DPYSL2: variants seen among roughly 807,000 people sequenced by gnomAD.
DPYSL2 encodes dihydropyrimidinase like 2.
A neutral mutation model predicts 69.9 loss-of-function variants in DPYSL2; 13 were observed. The observed-to-expected ratio is 0.19, with a 90% CI of 0.12 to 0.30. The LOEUF is 0.30. DPYSL2 is among the 10% of genes least tolerant of loss of function. DPYSL2 has a pLI of 1.00. For synonymous variants in DPYSL2, 326 were observed against 359.1 expected (o/e 0.91, Z 1.04); for missense variants, 587 against 918.9 (o/e 0.64, Z 4.67).
chr8:26,622,450 GTGTGTGTGTGTGTGTGTGTGTGTATA>G (rs1268127128), intron 3 of DPYSL2, among the ~76,000 whole-genome samples: 62 of 116,116 alleles, frequency 5.3e-4, no homozygotes, highest in South Asian at 3.4e-3. Context: ...CATATTGTAT[GTGTGTGTGTGTGTGTGTGTGTGTATA>G]TGTGTGTGTG....
Position 26,629,978 on chromosome 8 carries a change from CAT to C in DPYSL2, c.1005+2042_1005+2043del, listed in dbSNP as rs1802723883. Among the ~76,000 whole-genome samples the C allele has an allele frequency of 2.7e-5, 3 of 112,216 alleles. No individual in the cohort carries two copies. In the South Asian group the frequency reaches 7.3e-4, roughly 27 times the overall value. The allele number at this position is 112,216 out of a possible 152,430, so 73.6% of individuals were successfully genotyped here. On this transcript the variant is annotated intron_variant, in intron 7 of 13. Transcript: ENST00000521913. ...ACGTGCACACACTCACGTTCACACACATATACATACACACACGTCCATAGGCA... is the reference window on the plus strand; with the variant it reads ...ACGTGCACACACTCACGTTCACACACATACATACACACACGTCCATAGGCA...
At chr8:26,630,260 G>A (rs543867103) in intron 7 of DPYSL2, among the ~76,000 whole-genome samples, 1 of 152,354 alleles carries the variant, frequency 6.6e-6, no homozygotes, top group African/African-American at 2.4e-5. Flanking sequence ...CTCCCTCTGG[G>A]CCGGCTTCTG....
chr8:26,572,501 CT>C (rs376795012), intron 1 of DPYSL2, among the ~76,000 whole-genome samples: 6 of 151,822 alleles, frequency 4.0e-5, no homozygotes, highest in Admixed American at 2.0e-4. Context: ...ATGAGTAAGA[CT>C]TTTTTGTTTG....
chr8:26,529,248 C>CTATA, intron 1 of DPYSL2, among the ~76,000 whole-genome samples: 1 of 95,038 alleles, frequency 1.1e-5, no homozygotes, highest in South Asian at 3.2e-4. Context: ...ATCTATCTAT[C>CTATA]TATCTATCTA....
At chr8:26,577,027 C>T (rs1397602836) in intron 1 of DPYSL2, 6 of 350,266 alleles carry the variant, frequency 1.7e-5, no homozygotes, top group Non-Finnish European at 2.9e-5. Flanking sequence ...GCTCCCCATT[C>T]CTCCGCCCTA....
At position 26,653,428 on chromosome 8, in the gene DPYSL2, C is replaced by T; in HGVS notation, c.1942+31C>T. ...GTTGGGGCTTGGGGAGGGCACAGTTCTGCAGGGCCAGCTCGCTGGTGCTGG... is the reference window on the plus strand; with the variant it reads ...GTTGGGGCTTGGGGAGGGCACAGTTTTGCAGGGCCAGCTCGCTGGTGCTGG... On this transcript the variant is annotated intron_variant, in intron 13 of 13. Coordinates refer to ENST00000521913, the MANE Select transcript of DPYSL2 (RefSeq NM_001197293.3). This position sits in a 1 kb window ranked among gnomAD's most constrained non-coding sequence, Gnocchi z 5.7. 1.3e-6 allele frequency: 2 copies of T among 1,589,040 alleles called. No homozygotes were observed. The highest frequency in any genetic ancestry group is 1.7e-6 in the Non-Finnish European group (2 of 1,166,416).
intron 1 of DPYSL2, among the ~76,000 whole-genome samples, chr8:26,529,276 C>CTATCTATCATCT (rs1554531948): frequency 1.7e-4 from 23 of 136,288 alleles, no homozygotes; most frequent in South Asian, 4.8e-4. Flanking sequence ...ATCTATCTAT[C>CTATCTATCATCT]ATCTATCTAT....
intron 3 of DPYSL2, among the ~76,000 whole-genome samples, chr8:26,603,915 T>C (rs1312008378): frequency 6.6e-6 from 1 of 152,256 alleles, no homozygotes; most frequent in Non-Finnish European, 1.5e-5. Flanking sequence ...TTCCACCTTT[T>C]GGCTATTGTA....
At position 26,556,174 on chromosome 8, in the gene DPYSL2, TAGTATATACTATATA is replaced by T. The variant is rs1268013757; in HGVS notation, c.355-25794_355-25780del. 6.2e-3 allele frequency among the ~76,000 whole-genome samples: 168 copies of T among 27,148 alleles called. 50 individuals carry two copies. The highest frequency in any genetic ancestry group is 0.022 in the African/African-American group (165 of 7,614). 17.8% of individuals were successfully genotyped at this position (27,148 alleles called of 152,430 possible). A position where few individuals can be genotyped will look rare whatever the true frequency, so the allele number is the denominator to read the frequency against. ...TACTATATATAGTATATACTATATA[TAGTATATACTATATA>T]TATTATATATACTATATATATACTA... On this transcript the variant is annotated intron_variant, in intron 1 of 13. Coordinates refer to ENST00000521913, the MANE Select transcript of DPYSL2 (RefSeq NM_001197293.3).
In DPYSL2 at chr8:26,588,547, C is replaced by T. The variant is rs912844754; in HGVS notation, c.628+4564C>T. Among the ~76,000 whole-genome samples, 1 of 152,174 alleles carries T rather than the reference C, an allele frequency of 6.6e-6. No homozygotes were observed. Among genetic ancestry groups the T allele is most frequent in the African/African-American group, 2.4e-5 (1 of 41,442 alleles). Reference sequence around the variant, plus strand: ...CTCCAGGCTCTCTCTAGAGGAGGTGCACCCTCAGGCACAACATACCCAGCA... The same window carrying T: ...CTCCAGGCTCTCTCTAGAGGAGGTGTACCCTCAGGCACAACATACCCAGCA... On this transcript the variant is annotated intron_variant, in intron 3 of 13. Transcript: ENST00000521913. This position sits in a 1 kb window ranked among gnomAD's most constrained non-coding sequence, Gnocchi z 5.4.
At chr8:26,522,905 G>T (rs1361274531) in intron 1 of DPYSL2, among the ~76,000 whole-genome samples, 1 of 151,834 alleles carries the variant, frequency 6.6e-6, no homozygotes, top group Non-Finnish European at 1.5e-5. Context: ...ACTATCCCCG[G>T]CTGTTCTTAA....
chr8:26,583,411 A>G (rs543091309), intron 2 of DPYSL2, among the ~76,000 whole-genome samples: 1 of 152,080 alleles, frequency 6.6e-6, no homozygotes, highest in South Asian at 2.1e-4. Flanking sequence ...TATGATAAAA[A>G]TAAATGTTTG....
chr8:26,627,789 A>C lies in DPYSL2; in HGVS notation c.937-83A>C. 7.2e-7 allele frequency: 1 copy of C among 1,392,904 alleles called. No individual in the cohort carries two copies. Among genetic ancestry groups the C allele is most frequent in the Non-Finnish European group, 1.0e-6 (1 of 1,000,466 alleles). The allele number at this position is 1,392,904 out of a possible 1,614,324, so 86.3% of individuals were successfully genotyped here. A position where few individuals can be genotyped will look rare whatever the true frequency, so the allele number is the denominator to read the frequency against. Reference sequence around the variant, plus strand: ...AGTGGTAATTTTCCATCTTGCCCGGATAACTGCATGCCCGGGCCTCTGCCA... The same window carrying C: ...AGTGGTAATTTTCCATCTTGCCCGGCTAACTGCATGCCCGGGCCTCTGCCA... On this transcript the variant is annotated intron_variant, in intron 6 of 13. Coordinates refer to ENST00000521913, the MANE Select transcript of DPYSL2 (RefSeq NM_001197293.3). The surrounding 1 kb of genome is among the most constrained non-coding windows in gnomAD (Gnocchi z 6.9).
rs1476723778 is a variant in DPYSL2 at position 26,619,002 on chromosome 8, G to A, written c.629-5141G>A. On this transcript the variant is annotated intron_variant, in intron 3 of 13. Coordinates refer to ENST00000521913, the MANE Select transcript of DPYSL2 (RefSeq NM_001197293.3). This position sits in a 1 kb window ranked among gnomAD's most constrained non-coding sequence, Gnocchi z 4.8. ...GAAAAAAGAAATGGAGGTTCCAAAA[G>A]GCTAAACCACAGTAAGGGAGTACTG... is the stretch of plus-strand genomic sequence containing the variant. 1.3e-5 allele frequency among the ~76,000 whole-genome samples: 2 copies of A among 152,038 alleles called. No individual in the cohort carries two copies. Among genetic ancestry groups the A allele is most frequent in the Non-Finnish European group, 2.9e-5 (2 of 67,996 alleles).
At chr8:26,639,071 C>T (rs1024292150) in intron 8 of DPYSL2, among the ~76,000 whole-genome samples, 8 of 152,158 alleles carry the variant, frequency 5.3e-5, no homozygotes, top group African/African-American at 1.9e-4. Context: ...CCCTGGGAAC[C>T]TCAATTTGAG....
chr8:26,592,114 T>G (rs536691130), intron 3 of DPYSL2, among the ~76,000 whole-genome samples: 22 of 152,224 alleles, frequency 1.4e-4, no homozygotes, highest in Non-Finnish European at 3.1e-4. Context: ...CAGCCCATAA[T>G]AGGTGAGCAT....
intron 1 of DPYSL2, 129 bp from the exon 2 acceptor site, chr8:26,581,840 C>A: frequency 1.4e-6 from 1 of 720,924 alleles, no homozygotes; most frequent in Non-Finnish European, 2.4e-6. Flanking sequence ...TGTCACTGAA[C>A]CTTTCCAAAA....
Position 26,626,849 on chromosome 8 carries a change from C to T in DPYSL2, c.855+171C>T, listed in dbSNP as rs1802629287. Among the ~76,000 whole-genome samples the T allele has an allele frequency of 6.6e-6, 1 of 152,158 alleles. No individual in the cohort carries two copies. The highest frequency in any genetic ancestry group is 2.4e-5 in the African/African-American group (1 of 41,432). On this transcript the variant is annotated intron_variant, in intron 5 of 13. Coordinates refer to ENST00000521913, the MANE Select transcript of DPYSL2 (RefSeq NM_001197293.3). The surrounding 1 kb of genome is among the most constrained non-coding windows in gnomAD (Gnocchi z 4.3). Reference sequence around the variant, plus strand: ...CTTGGAAGAGAGTATGAACGCAGTGCCCTGGCCCCCAGCACTGCCACTCCG... The same window carrying T: ...CTTGGAAGAGAGTATGAACGCAGTGTCCTGGCCCCCAGCACTGCCACTCCG...
At chr8:26,546,947 A>AAAAAG (rs1563381428) in intron 1 of DPYSL2, among the ~76,000 whole-genome samples, 26 of 145,586 alleles carry the variant, frequency 1.8e-4, no homozygotes, top group African/African-American at 6.3e-4. Context: ...AAAAAAAAAA[A>AAAAAG]AAAAGAAAAG....
Sources: gnomAD v4.1 joint callset for allele counts (sites outside exome capture counted in the v4.1 genomes callset) on GRCh38, gnomAD v4.1.1 for gene constraint, Gnocchi (gnomAD v3.1) non-coding constraint, MANE v1.5 for transcripts, NCBI Gene and HGNC (gene_info 2026-07-23, HGNC 2026-07-21) for gene names.